IWS1: variants seen among roughly 807,000 people sequenced by gnomAD.
IWS1 encodes the protein interacts with SUPT6H, CTD assembly factor 1, also known as protein IWS1 homolog.
A neutral mutation model predicts 86.7 loss-of-function variants in IWS1; 27 were observed. The ratio of observed to expected loss-of-function variants is 0.31; its 90% confidence interval spans 0.23 to 0.43. IWS1 has a LOEUF of 0.43. Among genes scored for constraint, IWS1 ranks in the 20% least tolerant of loss-of-function variants. The pLI is 1.00. For synonymous variants in IWS1, 313 were observed against 335.1 expected, an observed-to-expected ratio of 0.93 and a Z score of 0.72; for missense variants, 827 against 1,000.8, an observed-to-expected ratio of 0.83 and a Z score of 2.34.
rs1028015632 is a variant in IWS1, at chr2:127,486,753, A to C, written c.2217-89T>G. On this transcript the variant is annotated intron_variant, in intron 12 of 13. Transcript: ENST00000295321. ...ATTTCACACTCCTGTTCCTACATCCACCCATTAAGCTGCAATGTTCGAAAC... is the reference window on the plus strand; with the variant it reads ...ATTTCACACTCCTGTTCCTACATCCCCCCATTAAGCTGCAATGTTCGAAAC... The C allele has an allele frequency of 4.0e-6, 4 of 988,068 alleles. No homozygotes were observed. The African/African-American group carries it at 6.4e-5, about 16-fold the overall frequency. The allele number at this position is 988,068 out of a possible 1,614,324, so 61.2% of individuals were successfully genotyped here. A position where few individuals can be genotyped will look rare whatever the true frequency, so the allele number is the denominator to read the frequency against.
Position 127,505,605 on chromosome 2 carries a change from G to C in IWS1, c.298C>G (p.Arg100Gly), listed in dbSNP as rs768667391. 6.2e-7 allele frequency: 1 copy of C among 1,613,820 alleles called. No homozygotes were observed. Among genetic ancestry groups the C allele is most frequent in the Admixed American group, 1.7e-5 (1 of 59,990 alleles). The change falls in exon 3 of 14, where the codon CGT (arginine) becomes GGT (glycine). Residue 100 changes from arginine (R) to glycine (G), a missense_variant. Physicochemically the swap from Arg to Gly is moderately radical, Grantham distance 125. Coordinates refer to ENST00000295321, the MANE Select transcript of IWS1 (RefSeq NM_017969.3). The surrounding 1 kb of genome is among the most constrained non-coding windows in gnomAD (Gnocchi z 5.0). The part of the protein sequence containing the change: ...QKDSDSESEE[R>G]AEPPASDSEN... ...GAATCGCTTGCAGGAGGCTCTGCAC[G>C]TTCCTCAGATTCAGAGTCGCTGTCC...
rs1690702125 is a variant in IWS1, at chr2:127,499,681, A to C, written c.1468-1444T>G. On this transcript the variant is annotated intron_variant, in intron 5 of 13. Transcript: ENST00000295321. This position sits in a 1 kb window ranked among gnomAD's most constrained non-coding sequence, Gnocchi z 4.0. ...CTCAGGTTTACTTTCTTATTTCACT[A>C]TTGTCCTGAATTAGATTCTAAATTC... Among the ~76,000 whole-genome samples the C allele has an allele frequency of 1.3e-5, 2 of 151,728 alleles. No homozygotes were observed. The highest frequency in any genetic ancestry group is 4.8e-5 in the African/African-American group (2 of 41,302).
chr2:127,505,853 T>C lies in IWS1; in HGVS notation c.151-101A>G. On this transcript the variant is annotated intron_variant, in intron 2 of 13. Coordinates refer to ENST00000295321, the MANE Select transcript of IWS1 (RefSeq NM_017969.3). The surrounding 1 kb of genome is among the most constrained non-coding windows in gnomAD (Gnocchi z 5.0). Reference sequence around the variant, plus strand: ...TCTGTGATTTTTTTAAAATACAGGATTATGTGCACCTAAATGGAGAATTCT... The same window carrying C: ...TCTGTGATTTTTTTAAAATACAGGACTATGTGCACCTAAATGGAGAATTCT... 2 of 762,160 alleles carry C rather than the reference T, an allele frequency of 2.6e-6. No individual in the cohort carries two copies. The highest frequency in any genetic ancestry group is 2.0e-5 in the South Asian group (1 of 48,892). The allele number at this position is 762,160 out of a possible 1,614,324, so 47.2% of individuals were successfully genotyped here.
rs1170075724 is a variant in IWS1, at chr2:127,502,866, A to C, written c.1416T>G (p.Leu472=). 1.3e-6 allele frequency: 2 copies of C among 1,524,256 alleles called. No individual in the cohort carries two copies. Among genetic ancestry groups the C allele is most frequent in the Non-Finnish European group, 1.8e-6 (2 of 1,101,266 alleles). The allele number at this position is 1,524,256 out of a possible 1,614,324, so 94.4% of individuals were successfully genotyped here. Residue 472 remains leucine, a synonymous_variant, in exon 5 of 14, where the codon CTT becomes CTG. Transcript: ENST00000295321. ...DSESGNEEEN[L]IADIFGESGD... is the part of the protein sequence containing the mutation. ...CAGATTCTCCAAATATGTCTGCAAT[A>C]AGATTTCTAGAAAGTAGACAAATGT...
intron 12 of IWS1, among the ~76,000 whole-genome samples, chr2:127,488,964 A>G (rs938857784): frequency 5.9e-5 from 9 of 152,198 alleles, no homozygotes; most frequent in Admixed American, 3.9e-4. Context: ...GCACTTAGCA[A>G]ACAGCAATAA....
chr2:127,481,585 G>C (rs1274172678), intron 13 of IWS1, among the ~76,000 whole-genome samples: 1 of 152,146 alleles, frequency 6.6e-6, no homozygotes, highest in Non-Finnish European at 1.5e-5. Context: ...AAAAAAGAAT[G>C]ACCTAAAGCA....
intron 6 of IWS1, among the ~76,000 whole-genome samples, chr2:127,496,381 AT>A (rs1690513878): frequency 6.6e-6 from 1 of 152,126 alleles, no homozygotes; most frequent in Non-Finnish European, 1.5e-5. Flanking sequence ...GAAGAAAAAA[AT>A]ATTTTTTATA....
At chr2:127,496,309 G>A (rs1690509624) in intron 6 of IWS1, among the ~76,000 whole-genome samples, 161 bp from the exon 7 acceptor site, 3 of 152,040 alleles carry the variant, frequency 2.0e-5, no homozygotes, top group Non-Finnish European at 2.9e-5. Context: ...ACGATGTTTC[G>A]GTCAATGACG....
At chr2:127,486,963 G>A (rs1435734551) in intron 12 of IWS1, among the ~76,000 whole-genome samples, 2 of 152,076 alleles carry the variant, frequency 1.3e-5, no homozygotes, top group East Asian at 3.9e-4. Context: ...GCCTTCCAAG[G>A]CTAGTCCCGC....
intron 2 of IWS1, among the ~76,000 whole-genome samples, chr2:127,522,107 T>C (rs992185501): frequency 7.9e-5 from 12 of 152,208 alleles, no homozygotes; most frequent in Non-Finnish European, 1.3e-4. Context: ...ATATAAAAGA[T>C]GAGCCTTTTC....
chr2:127,507,880 T>G (rs950903360), intron 2 of IWS1, among the ~76,000 whole-genome samples: 1 of 152,190 alleles, frequency 6.6e-6, no homozygotes, highest in Admixed American at 6.5e-5. Context: ...ACACAAACTT[T>G]GTTTCATGTG....
chr2:127,518,675 C>T (rs1006386780), intron 2 of IWS1, among the ~76,000 whole-genome samples: 3 of 150,402 alleles, frequency 2.0e-5, no homozygotes, highest in African/African-American at 7.4e-5. Context: ...AAGTGATTCT[C>T]CGGCCTCAGC....
chr2:127,503,324 C>A, intron 4 of IWS1, 63 bp downstream of exon 4: 1 of 1,244,420 alleles, frequency 8.0e-7, no homozygotes, highest in East Asian at 2.4e-5. Flanking sequence ...TGTATTATAA[C>A]ACAGACCCCT....
In IWS1 at chr2:127,505,390, G is replaced by A. The variant is rs1691079176; in HGVS notation, c.513C>T (p.Asp171=). 6.2e-7 allele frequency: 1 copy of A among 1,614,034 alleles called. No homozygotes were observed. Residue 171 remains aspartate, a synonymous_variant, in exon 3 of 14, where the codon GAC becomes GAT. Transcript: ENST00000295321. The surrounding 1 kb of genome is among the most constrained non-coding windows in gnomAD (Gnocchi z 5.0). ...GTTTTAGAGCATCTTCTGTTTCAGA[G>A]TCACTAGCAGGACTCTTCTGGAGCT... The part of the protein sequence containing the change: ...IEELQKSPAS[D]SETEDALKPQ...
At chr2:127,483,194 G>A (rs1252076947) in intron 13 of IWS1, among the ~76,000 whole-genome samples, 2 of 152,142 alleles carry the variant, frequency 1.3e-5, no homozygotes, top group Non-Finnish European at 2.9e-5. Flanking sequence ...GAAAAAATAG[G>A]CATTCCTTTG....
chr2:127,494,990 CAG>C, intron 7 of IWS1, 36 bp from the exon 8 acceptor site: 8 of 1,325,860 alleles, frequency 6.0e-6, no homozygotes, highest in Non-Finnish European at 8.5e-6. Context: ...TTTTTTAAAA[CAG>C]TACTTTTTAT....
intron 5 of IWS1, among the ~76,000 whole-genome samples, chr2:127,502,003 T>C (rs1690847744): frequency 6.6e-6 from 1 of 152,240 alleles, no homozygotes; most frequent in Non-Finnish European, 1.5e-5. Flanking sequence ...GTATCTAAAA[T>C]TCCTATATCT....
At chr2:127,506,028 G>A (rs1453143411) in intron 2 of IWS1, among the ~76,000 whole-genome samples, 1 of 152,102 alleles carries the variant, frequency 6.6e-6, no homozygotes, top group East Asian at 1.9e-4. Context: ...TGACCGTGAA[G>A]AGCTAGATTT....
At chr2:127,494,246 A>T (rs61459652) in intron 8 of IWS1, among the ~76,000 whole-genome samples, 12 of 5,760 alleles carry the variant, frequency 2.1e-3, no homozygotes, top group African/African-American at 8.1e-3. Context: ...GTCTCTAATT[A>T]AAAAAAAAAA....
Sources: gnomAD v4.1 joint callset for allele counts (sites outside exome capture counted in the v4.1 genomes callset) on GRCh38, gnomAD v4.1.1 for gene constraint, Gnocchi (gnomAD v3.1) non-coding constraint, MANE v1.5 for transcripts, NCBI Gene and HGNC (gene_info 2026-07-23, HGNC 2026-07-21) for gene names.